Variants in DOCK1 observed in about 807,000 individuals in gnomAD.
DOCK1 encodes the protein dedicator of cytokinesis 1.
A neutral mutation model predicts 262.7 loss-of-function variants in DOCK1; 138 were observed. The ratio of observed to expected loss-of-function variants is 0.53; its 90% CI spans 0.46 to 0.61. The LOEUF is 0.61. DOCK1 is among the 20% of genes least tolerant of loss of function. DOCK1 has a pLI of 0.00. For synonymous variants in DOCK1, 866 were observed against 867.4 expected, an observed-to-expected ratio of 1.00 and a Z score of 0.03; for missense variants, 1,908 against 2,370.7, an observed-to-expected ratio of 0.80 and a Z score of 4.05.
intron 23 of DOCK1, among the ~76,000 whole-genome samples, chr10:127,065,771 C>T (rs1047609148): frequency 5.3e-5 from 8 of 152,110 alleles, no homozygotes; most frequent in African/African-American, 1.7e-4. Context: ...ATTGAAAAGG[C>T]CTGGGGTCAG....
At chr10:127,246,161 G>A (rs927785392) in intron 27 of DOCK1, among the ~76,000 whole-genome samples, 2 of 152,168 alleles carry the variant, frequency 1.3e-5, no homozygotes, top group Non-Finnish European at 2.9e-5. Context: ...ATTCCTTAGA[G>A]GAAGAGTTAA....
intron 33 of DOCK1, among the ~76,000 whole-genome samples, chr10:127,362,934 TCCCCCCACACACA>T (rs1565027018): frequency 2.1e-3 from 24 of 11,658 alleles, no homozygotes; most frequent in African/African-American, 7.8e-3. Context: ...CACATGCACA[TCCCCCCACACACA>T]TACACATGTG....
intron 32 of DOCK1, among the ~76,000 whole-genome samples, chr10:127,359,361 A>G (rs1299487082): frequency 6.6e-6 from 1 of 152,208 alleles, no homozygotes; most frequent in Non-Finnish European, 1.5e-5. Context: ...CCCTGCTTCT[A>G]CAACCACTTG....
chr10:126,943,880 C>T (rs1052388610), intron 1 of DOCK1, among the ~76,000 whole-genome samples: 8 of 152,076 alleles, frequency 5.3e-5, no homozygotes, highest in Admixed American at 6.6e-5. Flanking sequence ...TGAGTCGAGG[C>T]GAGGCTGGGT....
At chr10:127,024,127 G>A (rs917290236) in intron 14 of DOCK1, among the ~76,000 whole-genome samples, 4 of 152,196 alleles carry the variant, frequency 2.6e-5, no homozygotes, top group African/African-American at 9.6e-5. Context: ...ACCAGTGCTG[G>A]AGGACTGGGC....
At chr10:127,266,532 C>T (rs1169886918) in intron 29 of DOCK1, among the ~76,000 whole-genome samples, 1 of 151,184 alleles carries the variant, frequency 6.6e-6, no homozygotes, top group South Asian at 2.1e-4. Context: ...ACTGACTATA[C>T]ATTTTGCTTT....
intron 13 of DOCK1, among the ~76,000 whole-genome samples, chr10:127,022,036 A>G (rs1039241897): frequency 1.3e-5 from 2 of 152,020 alleles, no homozygotes; most frequent in Non-Finnish European, 2.9e-5. Context: ...CCTCTAAATC[A>G]TGTTACTAAT....
intron 1 of DOCK1, among the ~76,000 whole-genome samples, chr10:126,935,784 T>A (rs1020094013): frequency 6.6e-6 from 1 of 152,234 alleles, no homozygotes; most frequent in Non-Finnish European, 1.5e-5. Context: ...CTGGGCCATC[T>A]CCACCATCTA....
At chr10:127,413,028 G>A (rs866795556) in intron 43 of DOCK1, among the ~76,000 whole-genome samples, 3 of 152,200 alleles carry the variant, frequency 2.0e-5, no homozygotes, top group African/African-American at 7.2e-5. Context: ...CTCGCTAAGG[G>A]CAGTGGCTTT....
intron 31 of DOCK1, among the ~76,000 whole-genome samples, chr10:127,351,725 A>C (rs1590635560): frequency 6.6e-6 from 1 of 151,946 alleles, no homozygotes; most frequent in Non-Finnish European, 1.5e-5. Flanking sequence ...TTCCTCCTCC[A>C]TGGGAAGAAC....
chr10:127,321,302 T>G, intron 29 of DOCK1, among the ~76,000 whole-genome samples: 1 of 128,868 alleles, frequency 7.8e-6, no homozygotes, highest in Non-Finnish European at 1.6e-5. Flanking sequence ...CTCTCCTCTC[T>G]TCCCTCCCTT....
intron 27 of DOCK1, among the ~76,000 whole-genome samples, chr10:127,210,037 C>T (rs148544023): frequency 1.3e-5 from 2 of 152,190 alleles, no homozygotes; most frequent in Non-Finnish European, 2.9e-5. Context: ...AATCATCTTT[C>T]TCTCTTTCTA....
chr10:127,148,340 G>A (rs2052127788), intron 27 of DOCK1, among the ~76,000 whole-genome samples: 1 of 152,180 alleles, frequency 6.6e-6, no homozygotes, highest in African/African-American at 2.4e-5. Context: ...CTGATGGTAG[G>A]AATTCTACCA....
At chr10:127,181,686 A>G (rs939420819) in intron 27 of DOCK1, among the ~76,000 whole-genome samples, 1 of 152,198 alleles carries the variant, frequency 6.6e-6, no homozygotes, top group African/African-American at 2.4e-5. Context: ...GTGCCTGAAC[A>G]TGAGGCTACT....
At chr10:127,320,412 T>C (rs558592761) in intron 29 of DOCK1, among the ~76,000 whole-genome samples, 84 of 152,262 alleles carry the variant, frequency 5.5e-4, no homozygotes, top group African/African-American at 2.0e-3. Flanking sequence ...TAGAATGAGA[T>C]GCCCAGGGCT....
At position 127,132,636 on chromosome 10, in the gene DOCK1, A is replaced by C. The variant is rs765117403; in HGVS notation, c.2847+4872A>C. On this transcript the variant is annotated intron_variant, in intron 27 of 51. Transcript: ENST00000623213. ...GGATAGGTGCTGTTGTGTTGTGTGC[A>C]GGTGGGCTGGCCAGCCATTGGGTGT... 5.6e-4 allele frequency among the ~76,000 whole-genome samples: 86 copies of C among 152,244 alleles called. 1 individual carries two copies. Among genetic ancestry groups the C allele is most frequent in the Non-Finnish European group, 1.1e-3 (78 of 68,024 alleles).
chr10:127,257,918 C>T (rs2059884065), intron 29 of DOCK1: 1 of 152,372 alleles, frequency 6.6e-6, no homozygotes, highest in African/African-American at 2.4e-5. Context: ...GGTTAATTTT[C>T]TAGCACATTG....
intron 23 of DOCK1, among the ~76,000 whole-genome samples, chr10:127,072,331 C>A (rs557669933): frequency 1.4e-4 from 21 of 152,308 alleles, no homozygotes; most frequent in South Asian, 1.2e-3. Context: ...CACACAGATA[C>A]GCTCTGTATT....
intron 27 of DOCK1, among the ~76,000 whole-genome samples, chr10:127,182,223 G>A (rs1451954167): frequency 6.6e-6 from 1 of 152,162 alleles, no homozygotes; most frequent in Non-Finnish European, 1.5e-5. Context: ...GAGGTTAAAT[G>A]TAGGCATCGA....
Sources: gnomAD v4.1 joint callset for allele counts (sites outside exome capture counted in the v4.1 genomes callset) on GRCh38, gnomAD v4.1.1 for gene constraint, MANE v1.5 for transcripts, NCBI Gene and HGNC (gene_info 2026-07-23, HGNC 2026-07-21) for gene names.